CD36: variants seen among roughly 807,000 people sequenced by gnomAD.
The protein encoded by CD36 is CD36 molecule (CD36 blood group), also known as platelet glycoprotein 4.
CD36 carries 119 observed loss-of-function variants against 55.2 expected under a neutral mutation model. The observed-to-expected ratio is 2.15, with a 90% CI of 1.86 to 2.51. The LOEUF (loss-of-function observed/expected upper bound fraction) is 2.51. Among genes scored for constraint, CD36 ranks in the 30% most tolerant of loss-of-function variants. The pLI is 0.00. For missense variants in CD36, 819 were observed against 555.5 expected, an observed-to-expected ratio of 1.47 and a Z score of -4.77; for synonymous variants, 186 against 193.6, an observed-to-expected ratio of 0.96 and a Z score of 0.33.
intron 1 of CD36, among the ~76,000 whole-genome samples, chr7:80,607,274 A>AAAGAAG (rs113820788): frequency 0.19 from 28,890 of 151,932 alleles, 4,139 homozygotes; most frequent in African/African-American, 0.39. Context: ...CCTTTGAAAA[A>AAAGAAG]AAGAAGAAAA....
At chr7:80,606,973 C>G (rs1168018741) in intron 1 of CD36, among the ~76,000 whole-genome samples, 3 of 152,098 alleles carry the variant, frequency 2.0e-5, no homozygotes, top group Non-Finnish European at 4.4e-5. Flanking sequence ...TGTACTGCAG[C>G]TCTGTTATAA....
At chr7:80,612,980 A>G (rs1203593349) in intron 1 of CD36, among the ~76,000 whole-genome samples, 1 of 152,162 alleles carries the variant, frequency 6.6e-6, no homozygotes, top group Non-Finnish European at 1.5e-5. Flanking sequence ...TTTAGGTAGT[A>G]TATGGATTCA....
rs1042839315 is a variant in CD36 at position 80,678,277 on chromosome 7, C to G, written c.*1894C>G. The G allele has an allele frequency of 9.9e-5, 15 of 152,054 alleles. No individual in the cohort carries two copies. The highest frequency in any genetic ancestry group is 1.5e-5 in the Non-Finnish European group (1 of 68,020). 9.4% of individuals were successfully genotyped at this position (152,054 alleles called of 1,614,324 possible). A position where few individuals can be genotyped will look rare whatever the true frequency, so the allele number is the denominator to read the frequency against. On this transcript the variant is annotated 3_prime_UTR_variant, in exon 15 of 15. Coordinates refer to ENST00000447544, the MANE Select transcript of CD36 (RefSeq NM_001001548.3). ...TGTTTTAGTCATAGAAAAATTGTAC[C>G]CTTTGATAGAAGCACATTTTCTTTC...
In CD36 at chr7:80,641,650, T is replaced by C. The variant is rs566996303; in HGVS notation, c.-184+2904T>C. ...GTCTATGGTACAAGTACCCTGGAAA[T>C]CTAAAACTTTTCAAATTTCATAGTT... is the stretch of plus-strand genomic sequence containing the variant. On this transcript the variant is annotated intron_variant, in intron 1 of 14. Coordinates refer to ENST00000447544, the MANE Select transcript of CD36 (RefSeq NM_001001548.3). Among the ~76,000 whole-genome samples, 9 of 152,190 alleles carry C rather than the reference T, an allele frequency of 5.9e-5. No homozygotes were observed. The South Asian group carries it at 1.7e-3, about 28-fold the overall frequency.
At chr7:80,627,232 T>G (rs1793793245) in intron 1 of CD36, among the ~76,000 whole-genome samples, 1 of 152,136 alleles carries the variant, frequency 6.6e-6, no homozygotes, top group African/African-American at 2.4e-5. Context: ...TGCCTTGTAA[T>G]TCTGCAAATG....
At chr7:80,667,429 C>CAAAAAA (rs564416939) in intron 8 of CD36, among the ~76,000 whole-genome samples, 3 of 82,414 alleles carry the variant, frequency 3.6e-5, no homozygotes, top group Admixed American at 1.5e-4. Flanking sequence ...GACCCTGTCT[C>CAAAAAA]AAAAAAAAAA....
chr7:80,641,806 A>G (rs889218913), intron 1 of CD36, among the ~76,000 whole-genome samples: 2 of 152,092 alleles, frequency 1.3e-5, no homozygotes, highest in Non-Finnish European at 2.9e-5. Flanking sequence ...TAAACTGTTT[A>G]CTGAAGAGGC....
chr7:80,608,094 A>AT (rs1364795966), intron 1 of CD36, among the ~76,000 whole-genome samples: 1 of 152,134 alleles, frequency 6.6e-6, no homozygotes, highest in African/African-American at 2.4e-5. Flanking sequence ...CAAGATGTAC[A>AT]TTTTTATGTT....
intron 1 of CD36, among the ~76,000 whole-genome samples, chr7:80,606,265 G>T (rs1234400435): frequency 6.6e-6 from 1 of 151,356 alleles, no homozygotes; most frequent in Non-Finnish European, 1.5e-5. Context: ...ATAATACGTA[G>T]ATCTGTGCAA....
chr7:80,633,288 C>T (rs1216249214), intron 1 of CD36: 2 of 151,990 alleles, frequency 1.3e-5, no homozygotes, highest in African/African-American at 4.8e-5. Flanking sequence ...TGGCCATGCC[C>T]ACATGAGAAC....
intron 1 of CD36, among the ~76,000 whole-genome samples, chr7:80,616,321 A>G (rs1006048866): frequency 3.3e-5 from 5 of 152,176 alleles, no homozygotes; most frequent in Middle Eastern, 3.4e-3. Flanking sequence ...TAATTAATCA[A>G]ATCTAGCATT....
intron 1 of CD36, among the ~76,000 whole-genome samples, chr7:80,643,305 G>A (rs1794939473): frequency 6.6e-6 from 1 of 152,124 alleles, no homozygotes; most frequent in Non-Finnish European, 1.5e-5. Context: ...AACAGCAATA[G>A]AGTTATAATT....
chr7:80,613,184 T>C (rs896829223), intron 1 of CD36, among the ~76,000 whole-genome samples: 5 of 152,130 alleles, frequency 3.3e-5, no homozygotes, highest in East Asian at 1.9e-4. Flanking sequence ...GTAATATTCA[T>C]AATTGTATTA....
At chr7:80,616,584 C>G (rs982342680) in intron 1 of CD36, among the ~76,000 whole-genome samples, 4 of 152,108 alleles carry the variant, frequency 2.6e-5, no homozygotes, top group African/African-American at 9.7e-5. Context: ...AAATAAATCT[C>G]AAACATTTTC....
At chr7:80,665,820 C>T (rs930896496) in intron 7 of CD36, 2 of 152,022 alleles carry the variant, frequency 1.3e-5, no homozygotes. Flanking sequence ...TGCAGGGAAA[C>T]TATTACTATT....
At chr7:80,662,042 G>A (rs1796573956) in intron 5 of CD36, among the ~76,000 whole-genome samples, 1 of 152,020 alleles carries the variant, frequency 6.6e-6, no homozygotes, top group South Asian at 2.1e-4. Context: ...ACTCTTAAGG[G>A]GCAAATATGA....
rs771055875 is a variant in CD36 at position 80,663,176 on chromosome 7, A to G, written c.609+7A>G. On this transcript the variant is annotated splice_region_variant and intron_variant, in intron 6 of 14. Transcript: ENST00000447544. ...AGTTGGTCTGTTTTATCCTGTAAGT[A>G]CCAAATATGAATGGCAATATTATTA... 2.2e-5 allele frequency: 35 copies of G among 1,605,198 alleles called. No homozygotes were observed. In the East Asian group the frequency reaches 7.4e-4, roughly 34 times the overall value.
chr7:80,617,224 G>A (rs1380693779), intron 1 of CD36, among the ~76,000 whole-genome samples: 1 of 151,986 alleles, frequency 6.6e-6, no homozygotes, highest in East Asian at 1.9e-4. Flanking sequence ...ACACATGGGG[G>A]CCTTTCAGAG....
At chr7:80,614,183 G>A (rs911857539) in intron 1 of CD36, among the ~76,000 whole-genome samples, 2 of 151,946 alleles carry the variant, frequency 1.3e-5, no homozygotes, top group African/African-American at 4.8e-5. Context: ...GAATAAAATG[G>A]GCATCATTCT....
Sources: allele counts gnomAD v4.1 joint callset (sites outside exome capture counted in the v4.1 genomes callset), GRCh38; gene constraint gnomAD v4.1.1; transcripts MANE v1.5; gene names NCBI Gene and HGNC (gene_info 2026-07-23, HGNC 2026-07-21).